VWDE: variants seen among roughly 807,000 people sequenced by gnomAD.
The protein encoded by VWDE is von Willebrand factor D and EGF domain-containing protein.
VWDE carries 207 observed loss-of-function variants against 178.4 expected under a neutral mutation model. That is an observed-to-expected ratio of 1.16 (90% confidence interval 1.04 to 1.30). The LOEUF (loss-of-function observed/expected upper bound fraction) is 1.30, where lower values mean the gene tolerates loss of function less well. Ranked by LOEUF, VWDE falls within the 50% of genes most tolerant of loss-of-function variation. The pLI, the probability that VWDE is intolerant of heterozygous loss-of-function variation, is 0.00. For synonymous variants in VWDE, 738 were observed against 651.4 expected (o/e 1.13, Z -2.02); for missense variants, 2,287 against 1,901.3 (o/e 1.20, Z -3.77).
Position 12,344,252 on chromosome 7 carries a change from T to C in VWDE, c.4021A>G (p.Ile1341Val). ...AGACACTGACAAATGTTAGGCTTAA[T>C]ACATTTTCCATGGTTTTTGCAATCA... ...DPDCKNHGKC[I>V]KPNICQCLPG... The change falls in exon 21 of 29, where the codon ATT (isoleucine) becomes GTT (valine). Residue 1341 changes from isoleucine (I) to valine (V), a missense_variant. By Grantham distance (29) the Ile-to-Val change is conservative. Transcript: ENST00000275358. 3 of 1,551,308 alleles carry C rather than the reference T, an allele frequency of 1.9e-6. No individual in the cohort carries two copies. Among genetic ancestry groups the C allele is most frequent in the Non-Finnish European group, 2.6e-6 (3 of 1,146,676 alleles).
Position 12,357,899 on chromosome 7 carries a change from C to CT in VWDE, c.3275-385dup, listed in dbSNP as rs201535393. Among the ~76,000 whole-genome samples the CT allele has an allele frequency of 7.9e-3, 1,201 of 152,244 alleles. 5 individuals carry two copies. The highest frequency in any genetic ancestry group is 0.014 in the Middle Eastern group (4 of 294). On this transcript the variant is annotated intron_variant, in intron 16 of 28. Coordinates refer to ENST00000275358, the MANE Select transcript of VWDE (RefSeq NM_001135924.3). ...TTGCACTCTGTTTCTTTAAGCCTCA[C>CT]TTTCTCCCTCTACTCCCTTTCTCTA...
Position 12,331,213 on chromosome 7 carries a change from G to T in VWDE, c.4759-16C>A, listed in dbSNP as rs372146772. 1.9e-6 allele frequency: 3 copies of T among 1,539,282 alleles called. No homozygotes were observed. The highest frequency in any genetic ancestry group is 2.8e-5 in the African/African-American group (2 of 72,538). On this transcript the variant is annotated splice_polypyrimidine_tract_variant and intron_variant, in intron 28 of 28. Coordinates refer to ENST00000275358, the MANE Select transcript of VWDE (RefSeq NM_001135924.3). ...GGCGTCTTATCTGTAGTAGGAAGAA[G>T]GAAATTGTGTTTCAATGAATAGTAT...
At chr7:12,374,938 T>C (rs1053549336) in intron 8 of VWDE, 72 bp downstream of exon 8, 2 of 1,418,264 alleles carry the variant, frequency 1.4e-6, no homozygotes, top group Admixed American at 2.4e-5. Context: ...AAAAAGTTTA[T>C]AAGACATAAT....
At chr7:12,347,110 A>C (rs1198845546) in intron 19 of VWDE, among the ~76,000 whole-genome samples, 2 of 152,140 alleles carry the variant, frequency 1.3e-5, no homozygotes, top group Non-Finnish European at 2.9e-5. Context: ...AAAATACAGC[A>C]AAAGTGCCCT....
rs889644047 is a variant in VWDE, at chr7:12,389,351, T to C, written c.251A>G (p.His84Arg). The change falls in exon 3 of 29, where the codon CAT becomes CGT. Residue 84 changes from histidine (H) to arginine (R), a missense_variant. Physicochemically the swap from His to Arg is conservative, Grantham distance 29. Transcript: ENST00000275358. Reference sequence around the variant, plus strand: ...CCAGATGGGGGCCTGAGTTCCACAATGGTTCATCTTTTGCAGGAGAGAAAA... The same window carrying C: ...CCAGATGGGGGCCTGAGTTCCACAACGGTTCATCTTTTGCAGGAGAGAAAA... Reference protein sequence around the residue: ...EMPTKCVEMNHCGTQAPIWLS... With the variant: ...EMPTKCVEMNRCGTQAPIWLS... 8 of 1,539,012 alleles carry C rather than the reference T, an allele frequency of 5.2e-6. No individual in the cohort carries two copies. The highest frequency in any genetic ancestry group is 7.0e-6 in the Non-Finnish European group (8 of 1,136,528).
chr7:12,336,023 A>G (rs1781002353), intron 27 of VWDE, 118 bp downstream of exon 27: 6 of 807,964 alleles, frequency 7.4e-6, no homozygotes, highest in Middle Eastern at 2.8e-4. Context: ...ATTTTTTAAA[A>G]AGGATCAGCA....
In VWDE at chr7:12,364,493, T is replaced by C. The variant is rs139937469; in HGVS notation, c.2898+2864A>G. Reference sequence around the variant, plus strand: ...AAAGGACGTGTGAACGAATTTGTAATAGTTCCCAATGGTCAAAGCTAGAAT... The same window carrying C: ...AAAGGACGTGTGAACGAATTTGTAACAGTTCCCAATGGTCAAAGCTAGAAT... On this transcript the variant is annotated intron_variant, in intron 13 of 28. Transcript: ENST00000275358. Among the ~76,000 whole-genome samples the C allele has an allele frequency of 2.7e-3, 411 of 152,274 alleles. 2 individuals carry two copies. Among genetic ancestry groups the C allele is most frequent in the African/African-American group, 9.5e-3 (394 of 41,588 alleles).
chr7:12,334,218 G>C (rs555281536), intron 27 of VWDE, among the ~76,000 whole-genome samples: 22 of 152,200 alleles, frequency 1.4e-4, no homozygotes, highest in African/African-American at 4.3e-4. Context: ...TTAAACATAA[G>C]AGGGGAAGTA....
At chr7:12,394,977 T>C (rs1340910878) in intron 1 of VWDE, among the ~76,000 whole-genome samples, 2 of 152,110 alleles carry the variant, frequency 1.3e-5, no homozygotes, top group Non-Finnish European at 2.9e-5. Flanking sequence ...CTACGAAAAA[T>C]AAGTCATTAT....
chr7:12,372,159 T>G (rs1262863706), intron 10 of VWDE, among the ~76,000 whole-genome samples: 1 of 151,688 alleles, frequency 6.6e-6, no homozygotes. Flanking sequence ...CATATCAGAT[T>G]TCTTTTGTGA....
intron 28 of VWDE, among the ~76,000 whole-genome samples, chr7:12,331,651 T>A (rs1250139587): frequency 1.3e-5 from 2 of 152,112 alleles, no homozygotes; most frequent in Non-Finnish European, 2.9e-5. Context: ...TCTAGGTACT[T>A]CACATATATT....
rs528546626 is a variant in VWDE, at chr7:12,364,745, G to A, written c.2898+2612C>T. Among the ~76,000 whole-genome samples, 10 of 152,244 alleles carry A rather than the reference G, an allele frequency of 6.6e-5. No individual in the cohort carries two copies. In the East Asian group the frequency reaches 1.9e-3, roughly 29 times the overall value. On this transcript the variant is annotated intron_variant, in intron 13 of 28. Transcript: ENST00000275358. The stretch of plus-strand genomic sequence containing the variant: ...ATAATTGCTACAAGCAAAAATTATA[G>A]TTGGATGCTAAAATTAGGAAGAAAA...
Position 12,379,483 on chromosome 7 carries a change from G to A in VWDE, c.873C>T (p.Gly291=). 2 of 1,548,542 alleles carry A rather than the reference G, an allele frequency of 1.3e-6. No homozygotes were observed. The highest frequency in any genetic ancestry group is 1.7e-6 in the Non-Finnish European group (2 of 1,145,338). The change falls in exon 6 of 29, where the codon GGC becomes GGT. Residue 291 remains glycine, a synonymous_variant. Coordinates refer to ENST00000275358, the MANE Select transcript of VWDE (RefSeq NM_001135924.3). The part of the protein sequence containing the change: ...VAIESQEFFA[G]FKLQPELSTI... The stretch of plus-strand genomic sequence containing the variant: ...CATCCCCACTGCTGCGTACCTTAAA[G>A]CCTGCAAAAAATTCTTGGCTTTCGA...
intron 19 of VWDE, among the ~76,000 whole-genome samples, chr7:12,347,402 T>C (rs1242055358): frequency 6.6e-6 from 1 of 152,128 alleles, no homozygotes; most frequent in East Asian, 1.9e-4. Context: ...AATGATTCAA[T>C]GTTCCTATGA....
At chr7:12,370,885 C>A in intron 10 of VWDE, 21 bp from the exon 11 acceptor site, 1 of 1,482,468 alleles carries the variant, frequency 6.7e-7, no homozygotes, top group Non-Finnish European at 9.0e-7. Flanking sequence ...GAAATAAATA[C>A]AGAAATAAAA....
intron 7 of VWDE, among the ~76,000 whole-genome samples, chr7:12,375,541 A>G (rs560749503): frequency 6.6e-6 from 1 of 151,788 alleles, no homozygotes; most frequent in Non-Finnish European, 1.5e-5. Context: ...ATTCTTTTAC[A>G]TATTACATAT....
Position 12,367,437 on chromosome 7 carries a change from A to G in VWDE, c.2818T>C (p.Tyr940His). 1.3e-6 allele frequency: 2 copies of G among 1,546,586 alleles called. No homozygotes were observed. Among genetic ancestry groups the G allele is most frequent in the Non-Finnish European group, 1.7e-6 (2 of 1,144,418 alleles). ...GNAGFCDVQK[Y>H]NCMMVRVFGK... is the part of the protein sequence containing the mutation. ...AAAACTCTCACCATCATACAATTATATTTTTGAACATCACAGAATCCAGCA... is the reference window on the plus strand; with the variant it reads ...AAAACTCTCACCATCATACAATTATGTTTTTGAACATCACAGAATCCAGCA... The change falls in exon 13 of 29, where the codon TAT (tyrosine) becomes CAT (histidine). Residue 940 changes from tyrosine (Y) to histidine (H), a missense_variant. Physicochemically the swap from Tyr to His is moderately conservative, Grantham distance 83. Transcript: ENST00000275358.
At chr7:12,400,497 C>G (rs551156121) in intron 1 of VWDE, among the ~76,000 whole-genome samples, 137 of 152,146 alleles carry the variant, frequency 9.0e-4, no homozygotes, top group Non-Finnish European at 1.4e-3. Context: ...GCAAAACCAA[C>G]TCAAGAAGAA....
At chr7:12,395,145 T>C (rs848004) in intron 1 of VWDE, among the ~76,000 whole-genome samples, 98,558 of 151,912 alleles carry the variant, frequency 0.65, 33,726 homozygotes, top group African/African-American at 0.89. Flanking sequence ...TCTCTAAATC[T>C]TCCATAGTTG....
Sources: gnomAD v4.1 joint callset for allele counts (sites outside exome capture counted in the v4.1 genomes callset) on GRCh38, gnomAD v4.1.1 for gene constraint, MANE v1.5 for transcripts, NCBI Gene and HGNC (gene_info 2026-07-23, HGNC 2026-07-21) for gene names.